The following CTSE variants were observed in gnomAD, a reference collection of about 807,000 sequenced individuals.
CTSE encodes erythrocyte membrane aspartic proteinase.
Under a neutral mutation model 42.8 loss-of-function variants are expected in CTSE, and 43 were observed. That is an observed-to-expected ratio of 1.01 (90% CI 0.79 to 1.30). CTSE has a LOEUF of 1.30. CTSE is among the 50% of genes most tolerant of loss of function. The pLI is 0.00. For missense variants in CTSE, 532 were observed against 493.5 expected, an observed-to-expected ratio of 1.08 and a Z score of -0.74; for synonymous variants, 205 against 191.5, an observed-to-expected ratio of 1.07 and a Z score of -0.58.
chr1:206,023,498 T>A (rs1353716498), intron 1 of CTSE, among the ~76,000 whole-genome samples: 1 of 151,938 alleles, frequency 6.6e-6, no homozygotes, highest in African/African-American at 2.4e-5. Context: ...CCCCTGGGAC[T>A]TGGGAAGGCA....
intron 1 of CTSE, 93 bp from the exon 2 acceptor site, chr1:206,023,150 GAT>G: frequency 2.2e-6 from 1 of 462,008 alleles, no homozygotes; most frequent in Admixed American, 2.3e-5. Context: ...AACTAGAGAA[GAT>G]GGGGTGGGAG....
Position 206,009,787 on chromosome 1 carries a change from C to T in CTSE, c.*396G>A, listed in dbSNP as rs1277037069. 9.7e-6 allele frequency: 2 copies of T among 206,984 alleles called. No homozygotes were observed. The highest frequency in any genetic ancestry group is 4.6e-5 in the African/African-American group (2 of 43,030). The allele number at this position is 206,984 out of a possible 1,614,324, so 12.8% of individuals were successfully genotyped here. A position where few individuals can be genotyped will look rare whatever the true frequency, so the allele number is the denominator to read the frequency against. On this transcript the variant is annotated 3_prime_UTR_variant, in exon 9 of 9. Coordinates refer to ENST00000358184, the MANE Select transcript of CTSE (RefSeq NM_001910.4). ...AGGAGTGGGCAGCAGTGTAGATAAA[C>T]AGGCCTGGCCGTGTGTGGATGGGTT... is the stretch of plus-strand genomic sequence containing the variant.
rs1478215729 is a variant in CTSE, at chr1:206,013,661, G to A, written c.785+111C>T. ...ACCTCCATACCTCCAACCACAGTAAGCTTCTGGCATCCTCTGCTAGTGACC... is the reference window on the plus strand; with the variant it reads ...ACCTCCATACCTCCAACCACAGTAAACTTCTGGCATCCTCTGCTAGTGACC... On this transcript the variant is annotated intron_variant, in intron 6 of 8. Coordinates refer to ENST00000358184, the MANE Select transcript of CTSE (RefSeq NM_001910.4). The A allele has an allele frequency of 2.0e-5, 28 of 1,379,340 alleles. 1 individual carries two copies. The highest frequency in any genetic ancestry group is 2.9e-5 in the African/African-American group (2 of 69,694). The allele number at this position is 1,379,340 out of a possible 1,614,324, so 85.4% of individuals were successfully genotyped here. A position where few individuals can be genotyped will look rare whatever the true frequency, so the allele number is the denominator to read the frequency against.
intron 5 of CTSE, 98 bp from the exon 6 acceptor site, chr1:206,013,992 G>A: frequency 2.3e-6 from 3 of 1,327,796 alleles, no homozygotes; most frequent in Non-Finnish European, 2.1e-6. Flanking sequence ...CTCATGCCAA[G>A]CACACAGGTA....
chr1:206,016,024 G>C lies in CTSE; in HGVS notation c.569C>G (p.Pro190Arg). ...AGTCACTCCTCCCACAGCCAAGGAG[G>C]GGTATCCCAGGCCCAGAATTCCATC... is the stretch of plus-strand genomic sequence containing the variant. The part of the protein sequence containing the change: ...EFDGILGLGY[P>R]SLAVGGVTPV... The change falls in exon 5 of 9, where the codon CCC (proline) becomes CGC (arginine). Residue 190 changes from proline to arginine, a missense_variant. Transcript: ENST00000358184. The C allele has an allele frequency of 6.2e-7, 1 of 1,613,832 alleles. No individual in the cohort carries two copies. The highest frequency in any genetic ancestry group is 8.5e-7 in the Non-Finnish European group (1 of 1,179,806).
In CTSE at chr1:206,012,196, C is replaced by T. The variant is rs546680230; in HGVS notation, c.1026+112G>A. Reference sequence around the variant, plus strand: ...GGAATGCCACATGAGAGCAGAACAACGTGGGGCGGGGCTTAGGGTAAAGGC... The same window carrying T: ...GGAATGCCACATGAGAGCAGAACAATGTGGGGCGGGGCTTAGGGTAAAGGC... On this transcript the variant is annotated intron_variant, in intron 8 of 8. Transcript: ENST00000358184. 86 of 828,964 alleles carry T rather than the reference C, an allele frequency of 1.0e-4. 1 individual carries two copies. Among genetic ancestry groups the T allele is most frequent in the East Asian group, 6.6e-4 (25 of 37,674 alleles). The allele number at this position is 828,964 out of a possible 1,614,324, so 51.4% of individuals were successfully genotyped here. A position where few individuals can be genotyped will look rare whatever the true frequency, so the allele number is the denominator to read the frequency against.
rs142068333 is a variant in CTSE at position 206,012,317 on chromosome 1, G to A, written c.1017C>T (p.Tyr339=). The change falls in exon 8 of 9, where the codon TAC becomes TAT. Residue 339 remains tyrosine, a synonymous_variant. Transcript: ENST00000358184. ...GVPYTLSPTA[Y]TLLDFVDGMQ... Reference sequence around the variant, plus strand: ...AGGAAACAGTTCTTACCAGTAGGGTGTAGGCAGTTGGGCTGAGGGTATAGG... The same window carrying A: ...AGGAAACAGTTCTTACCAGTAGGGTATAGGCAGTTGGGCTGAGGGTATAGG... 2.1e-3 allele frequency: 3,429 copies of A among 1,613,110 alleles called. 22 individuals are homozygous for A. Among genetic ancestry groups the A allele is most frequent in the Non-Finnish European group, 2.4e-3 (2,875 of 1,179,106 alleles).
chr1:206,022,310 GA>G (rs1248584949), intron 2 of CTSE, 43 bp from the exon 3 acceptor site: 5 of 1,441,928 alleles, frequency 3.5e-6, no homozygotes, highest in Non-Finnish European at 4.8e-6. Flanking sequence ...GGGTGGTGGG[GA>G]GGGACAAGGG....
At position 206,021,061 on chromosome 1, in the gene CTSE, G is replaced by T. The variant is rs74145077; in HGVS notation, c.450C>A (p.Ala150=). Residue 150 remains alanine (A), a synonymous_variant, in exon 4 of 9, where the codon GCC becomes GCA. Transcript: ENST00000358184. ...GTGSLSGIIG[A]DQVSVEGLTV... is the part of the protein sequence containing the mutation. ...GACTTGCACTCACAGAGACTTGGTC[G>T]GCTCCAATGATCCCGGACAAGCTCC... 2 of 1,608,966 alleles carry T rather than the reference G, an allele frequency of 1.2e-6. No homozygotes were observed. Among genetic ancestry groups the T allele is most frequent in the African/African-American group, 1.3e-5 (1 of 74,822 alleles).
chr1:206,022,169 G>C lies in CTSE; in HGVS notation c.324C>G (p.Tyr108Ter), dbSNP rs1553278506. ...ACTTACTGCAGGCTGGGCTAGTGCA[G>C]TACACAGAGGGGACCCAGAGGTTGG... ...GSSNLWVPSV[Y>*]CTSPACKTHS... The change falls in exon 3 of 9, where the codon TAC becomes TAG. Residue 108 changes from tyrosine to a stop codon, truncating the protein, a stop_gained. Coordinates refer to ENST00000358184, the MANE Select transcript of CTSE (RefSeq NM_001910.4). LOFTEE classifies it high-confidence loss of function. 1 of 1,609,376 alleles carries C rather than the reference G, an allele frequency of 6.2e-7. No homozygotes were observed. Among genetic ancestry groups the C allele is most frequent in the Non-Finnish European group, 8.5e-7 (1 of 1,176,530 alleles).
At position 206,011,715 on chromosome 1, in the gene CTSE, G is replaced by A. The variant is rs568838150; in HGVS notation, c.1026+593C>T. On this transcript the variant is annotated intron_variant, in intron 8 of 8. Transcript: ENST00000358184. ...AAAAATTAGTGTGTTGAAGTGTGGT[G>A]CCGAATACCTAGAATGCTGAAAATT... is the stretch of plus-strand genomic sequence containing the variant. Among the ~76,000 whole-genome samples, 291 of 152,110 alleles carry A rather than the reference G, an allele frequency of 1.9e-3. 1 individual carries two copies. Among genetic ancestry groups the A allele is most frequent in the African/African-American group, 6.5e-3 (268 of 41,530 alleles).
rs1254402282 is a variant in CTSE at position 206,009,869 on chromosome 1, A to T, written c.*314T>A. The T allele has an allele frequency of 2.7e-6, 1 of 370,560 alleles. No homozygotes were observed. The highest frequency in any genetic ancestry group is 5.1e-6 in the Non-Finnish European group (1 of 195,508). The allele number at this position is 370,560 out of a possible 1,614,324, so 23.0% of individuals were successfully genotyped here. On this transcript the variant is annotated 3_prime_UTR_variant, in exon 9 of 9. Transcript: ENST00000358184. ...ATTATACCATGATCTCTGCTTGTGC[A>T]TATGTTTGGAGATTTTCATAATCAA...
At chr1:206,013,428 T>G (rs1456706173) in intron 6 of CTSE, among the ~76,000 whole-genome samples, 1 of 152,070 alleles carries the variant, frequency 6.6e-6, no homozygotes, top group Non-Finnish European at 1.5e-5. Context: ...ACAAGTTTTT[T>G]GAGGACAAGA....
intron 4 of CTSE, among the ~76,000 whole-genome samples, chr1:206,020,658 C>A (rs1661391016): frequency 6.6e-6 from 1 of 152,054 alleles, no homozygotes; most frequent in Non-Finnish European, 1.5e-5. Flanking sequence ...TGATTGGACT[C>A]CCATTTCAGA....
At chr1:206,022,390 A>C (rs1661466073) in intron 2 of CTSE, 123 bp from the exon 3 acceptor site, 1 of 645,368 alleles carries the variant, frequency 1.5e-6, no homozygotes, top group Admixed American at 2.6e-5. Flanking sequence ...TGGAGTTTAC[A>C]GAGCCTAGGA....
intron 4 of CTSE, among the ~76,000 whole-genome samples, chr1:206,018,041 T>C (rs1661310171): frequency 6.6e-6 from 1 of 152,072 alleles, no homozygotes; most frequent in African/African-American, 2.4e-5. Flanking sequence ...CTTGATCTTA[T>C]GGAGAAGTCT....
chr1:206,019,150 C>A lies in CTSE; in HGVS notation c.462+1899G>T, dbSNP rs116753546. 4.8e-3 allele frequency among the ~76,000 whole-genome samples: 733 copies of A among 152,118 alleles called. 4 individuals are homozygous for A. Among genetic ancestry groups the A allele is most frequent in the African/African-American group, 0.017 (697 of 41,552 alleles). On this transcript the variant is annotated intron_variant, in intron 4 of 8. Coordinates refer to ENST00000358184, the MANE Select transcript of CTSE (RefSeq NM_001910.4). Reference sequence around the variant, plus strand: ...AGAGAAGCAGAACCATTAGGAGGTACTATAGATTATAGATATAGCTATAAT... The same window carrying A: ...AGAGAAGCAGAACCATTAGGAGGTAATATAGATTATAGATATAGCTATAAT...
chr1:206,020,937 A>T, intron 4 of CTSE, 112 bp downstream of exon 4: 1 of 764,024 alleles, frequency 1.3e-6, no homozygotes, highest in African/African-American at 1.7e-5. Flanking sequence ...CCTAGAAGTT[A>T]GTGCTAACCC....
intron 2 of CTSE, among the ~76,000 whole-genome samples, chr1:206,022,618 C>A (rs1344664638): frequency 6.6e-6 from 1 of 152,034 alleles, no homozygotes; most frequent in Non-Finnish European, 1.5e-5. Flanking sequence ...GGGTACACAG[C>A]CAGTAAGCTG....
Sources: gnomAD v4.1 joint callset for allele counts (sites outside exome capture counted in the v4.1 genomes callset) on GRCh38, gnomAD v4.1.1 for gene constraint, MANE v1.5 for transcripts, NCBI Gene and HGNC (gene_info 2026-07-23, HGNC 2026-07-21) for gene names.